ZNF517: variants seen among roughly 807,000 people sequenced by gnomAD.
The protein encoded by ZNF517 is zinc finger protein 517.
In ZNF517, 12 loss-of-function variants were observed where a neutral mutation model predicts 12.1. That is an observed-to-expected ratio of 0.99 (90% CI 0.63 to 1.61). The LOEUF (loss-of-function observed/expected upper bound fraction) is 1.61, where lower values mean the gene tolerates loss of function less well. Ranked by LOEUF, ZNF517 falls within the 40% of genes most tolerant of loss-of-function variation. The pLI is 0.00. For missense variants in ZNF517, 781 were observed against 693.2 expected, an observed-to-expected ratio of 1.13 and a Z score of -1.42; for synonymous variants, 388 against 310.2, an observed-to-expected ratio of 1.25 and a Z score of -2.63.
rs117585807 is a variant in ZNF517, at chr8:144,802,052, A to G, written c.-45-818A>G. Among the ~76,000 whole-genome samples the G allele has an allele frequency of 2.5e-4, 38 of 152,294 alleles. No homozygotes were observed. The East Asian group carries it at 6.4e-3, about 26-fold the overall frequency. ...TGTCTCAAAAAAAGGAAAGAAAAAT[A>G]GGAGAAAAAGAGGAACCACTCATAA... is the stretch of plus-strand genomic sequence containing the variant. On this transcript the variant is annotated intron_variant, in intron 1 of 4. Coordinates refer to ENST00000359971, the MANE Select transcript of ZNF517 (RefSeq NM_213605.3).
At position 144,807,271 on chromosome 8, in the gene ZNF517, T is replaced by G. The variant is rs1284931887; in HGVS notation, c.355T>G (p.Trp119Gly). 3.9e-6 allele frequency: 6 copies of G among 1,555,380 alleles called. No individual in the cohort carries two copies. The highest frequency in any genetic ancestry group is 5.2e-6 in the Non-Finnish European group (6 of 1,152,530). Residue 119 changes from tryptophan (W) to glycine (G), a missense_variant, in exon 5 of 5, where the codon TGG (tryptophan) becomes GGG (glycine). Trp to Gly is a radical substitution (Grantham distance 184). Coordinates refer to ENST00000359971, the MANE Select transcript of ZNF517 (RefSeq NM_213605.3). ...GCAGGCAGGACTGCCGGGCACCGTGTGGGGGTGCCTCCCCTGGGGGCACCC... is the reference window on the plus strand; with the variant it reads ...GCAGGCAGGACTGCCGGGCACCGTGGGGGGGTGCCTCCCCTGGGGGCACCC... ...SRQAGLPGTV[W>G]GCLPWGHPVG...
At chr8:144,805,157 GGGCGTCTTCCCAGGCACT>G (rs1387558818) in intron 4 of ZNF517, among the ~76,000 whole-genome samples, 4 of 152,208 alleles carry the variant, frequency 2.6e-5, no homozygotes. Flanking sequence ...ACTAAGTAAC[GGGCGTCTTCCCAGGCACT>G]GGCGTTACCG....
At position 144,804,174 on chromosome 8, in the gene ZNF517, G is replaced by A; in HGVS notation, c.210G>A (p.Glu70=). Residue 70 remains glutamate, a synonymous_variant, in exon 4 of 5, where the codon GAG becomes GAA. Transcript: ENST00000359971. ...TGATCTCCCTATTGGAGCAAGGAGA[G>A]GAGCCGGGGGCCTTGATTCTGCAGG... ...PALISLLEQG[E]EPGALILQVA... is the part of the protein sequence containing the mutation. 6.2e-7 allele frequency: 1 copy of A among 1,614,172 alleles called. No individual in the cohort carries two copies. Among genetic ancestry groups the A allele is most frequent in the Non-Finnish European group, 8.5e-7 (1 of 1,180,012 alleles).
rs1827416734 is a variant in ZNF517, at chr8:144,808,569, C to T, written c.*174C>T. On this transcript the variant is annotated 3_prime_UTR_variant, in exon 5 of 5. Coordinates refer to ENST00000359971, the MANE Select transcript of ZNF517 (RefSeq NM_213605.3). Reference sequence around the variant, plus strand: ...AGCCGGGCACTGGGGAGGGAAAGGGCACCAGGCAGCCCGTGGTGTGGCCTC... The same window carrying T: ...AGCCGGGCACTGGGGAGGGAAAGGGTACCAGGCAGCCCGTGGTGTGGCCTC... The T allele has an allele frequency of 6.4e-6, 6 of 935,622 alleles. No individual in the cohort carries two copies. The South Asian group carries it at 1.3e-4, about 21-fold the overall frequency. The allele number at this position is 935,622 out of a possible 1,614,324, so 58.0% of individuals were successfully genotyped here.
At position 144,808,259 on chromosome 8, in the gene ZNF517, G is replaced by A. The variant is rs1209522399; in HGVS notation, c.1343G>A (p.Gly448Asp). The A allele has an allele frequency of 1.3e-6, 2 of 1,591,028 alleles. No individual in the cohort carries two copies. Among genetic ancestry groups the A allele is most frequent in the Non-Finnish European group, 8.6e-7 (1 of 1,168,170 alleles). ...TLNEHYRLHS[G>D]ERPYRCRACG... ...AACGAGCACTACCGGCTCCACAGCGGCGAGAGGCCATACCGGTGCCGCGCC... is the reference window on the plus strand; with the variant it reads ...AACGAGCACTACCGGCTCCACAGCGACGAGAGGCCATACCGGTGCCGCGCC... The change falls in exon 5 of 5, where the codon GGC becomes GAC. Residue 448 changes from glycine to aspartate, a missense_variant. Gly to Asp is a moderately conservative substitution (Grantham distance 94). Coordinates refer to ENST00000359971, the MANE Select transcript of ZNF517 (RefSeq NM_213605.3).
At chr8:144,803,017 T>C in intron 2 of ZNF517, 70 bp downstream of exon 2, 1 of 1,599,212 alleles carries the variant, frequency 6.3e-7, no homozygotes, top group South Asian at 1.1e-5. Context: ...TTTTCAGCCC[T>C]GAGAACCTTA....
At position 144,808,334 on chromosome 8, in the gene ZNF517, T is replaced by G. The variant is rs1197988127; in HGVS notation, c.1418T>G (p.Val473Gly). Reference protein sequence around the residue: ...RLSTLIQHQKVHGREPGEDTE... With the variant: ...RLSTLIQHQKGHGREPGEDTE... ...TCCACCCTCATCCAGCACCAGAAGG[T>G]GCACGGCCGCGAGCCCGGGGAGGAC... The change falls in exon 5 of 5, where the codon GTG becomes GGG. Residue 473 changes from valine to glycine, a missense_variant. By Grantham distance (109) the Val-to-Gly change is moderately radical. Coordinates refer to ENST00000359971, the MANE Select transcript of ZNF517 (RefSeq NM_213605.3). 1 of 1,488,994 alleles carries G rather than the reference T, an allele frequency of 6.7e-7. No individual in the cohort carries two copies. Among genetic ancestry groups the G allele is most frequent in the Non-Finnish European group, 9.0e-7 (1 of 1,116,654 alleles). The allele number at this position is 1,488,994 out of a possible 1,614,324, so 92.2% of individuals were successfully genotyped here. A position where few individuals can be genotyped will look rare whatever the true frequency, so the allele number is the denominator to read the frequency against.
At position 144,808,200 on chromosome 8, in the gene ZNF517, G is replaced by C. The variant is rs545969791; in HGVS notation, c.1284G>C (p.Glu428Asp). The change falls in exon 5 of 5, where the codon GAG becomes GAC. Residue 428 changes from glutamate (E) to aspartate (D), a missense_variant. By Grantham distance (45) the Glu-to-Asp change is conservative (BLOSUM62 2). Transcript: ENST00000359971. Reference protein sequence around the residue: ...HTKEKPFACTECGKAFRRSYT... With the variant: ...HTKEKPFACTDCGKAFRRSYT... ...AGGAGAAGCCCTTCGCGTGCACCGA[G>C]TGCGGCAAGGCGTTCCGCAGGAGCT... 1.2e-5 allele frequency: 19 copies of C among 1,609,354 alleles called. No individual in the cohort carries two copies. In the South Asian group the frequency reaches 1.8e-4, roughly 15 times the overall value.
Position 144,809,175 on chromosome 8 carries a change from C to CTCTATCTATCTATCTATCTATCTATCTA in ZNF517, c.*807_*808insATCTATCTATCTATCTATCTATCTATCT, listed in dbSNP as rs112936151. The CTCTATCTATCTATCTATCTATCTATCTA allele has an allele frequency of 1.3e-5, 2 of 150,586 alleles. No individual in the cohort carries two copies. The highest frequency in any genetic ancestry group is 4.9e-5 in the African/African-American group (2 of 40,702). The allele number at this position is 150,586 out of a possible 1,614,324, so 9.3% of individuals were successfully genotyped here. On this transcript the variant is annotated 3_prime_UTR_variant, in exon 5 of 5. Coordinates refer to ENST00000359971, the MANE Select transcript of ZNF517 (RefSeq NM_213605.3). Reference sequence around the variant, plus strand: ...AAAAAAGCCTAGATGGCTGGTGGAGCTCTATCTATCTATCTATCTATCTAT... The same window carrying CTCTATCTATCTATCTATCTATCTATCTA: ...AAAAAAGCCTAGATGGCTGGTGGAGCTCTATCTATCTATCTATCTATCTATCTATCTATCTATCTATCTATCTATCTAT...
At chr8:144,803,046 C>T (rs1234783026) in intron 2 of ZNF517, 99 bp downstream of exon 2, 1 of 1,480,442 alleles carries the variant, frequency 6.8e-7, no homozygotes, top group African/African-American at 1.4e-5. Flanking sequence ...CTCACACCCA[C>T]CCACATCACA....
chr8:144,807,699 CGCATGCGGCGAGTGCGGCAAG>C lies in ZNF517; in HGVS notation c.786_806del (p.Cys263_Ala269del). The stretch of plus-strand genomic sequence containing the variant: ...GCGTCCACACCCGCGAGCGGCCCTA[CGCATGCGGCGAGTGCGGCAAG>C]GCCTTCAGCCGCAGCTCCCGGCTGC... On this transcript the variant is annotated inframe_deletion, in exon 5 of 5. Transcript: ENST00000359971. 1 of 1,611,000 alleles carries C rather than the reference CGCATGCGGCGAGTGCGGCAAG, an allele frequency of 6.2e-7. No individual in the cohort carries two copies. Among genetic ancestry groups the C allele is most frequent in the Non-Finnish European group, 8.5e-7 (1 of 1,179,236 alleles).
Position 144,808,093 on chromosome 8 carries a change from G to A in ZNF517, c.1177G>A (p.Glu393Lys), listed in dbSNP as rs1342224239. Reference protein sequence around the residue: ...LLLHLRLHTGEKPFECAECGK... With the variant: ...LLLHLRLHTGKKPFECAECGK... The stretch of plus-strand genomic sequence containing the variant: ...GCTGCACCTGCGCCTACACACGGGC[G>A]AGAAGCCGTTCGAGTGCGCGGAGTG... Residue 393 changes from glutamate to lysine, a missense_variant, in exon 5 of 5, where the codon GAG becomes AAG. Physicochemically the swap from Glu to Lys is moderately conservative, Grantham distance 56. Transcript: ENST00000359971. The A allele has an allele frequency of 2.5e-6, 4 of 1,611,682 alleles. No homozygotes were observed. The highest frequency in any genetic ancestry group is 3.4e-6 in the Non-Finnish European group (4 of 1,179,390).
chr8:144,803,615 C>T, intron 2 of ZNF517, 26 bp from the exon 3 acceptor site: 2 of 1,612,850 alleles, frequency 1.2e-6, no homozygotes, highest in Non-Finnish European at 8.5e-7. Flanking sequence ...CCTTGACTGC[C>T]TGGATAGCAG....
At chr8:144,799,768 GTC>G (rs1826857119) in intron 1 of ZNF517, among the ~76,000 whole-genome samples, 1 of 152,088 alleles carries the variant, frequency 6.6e-6, no homozygotes, top group African/African-American at 2.4e-5. Context: ...GTGAAACCCT[GTC>G]TCTACTAAAA....
Position 144,807,664 on chromosome 8 carries a change from GC to G in ZNF517, c.751del (p.His251ThrfsTer83). 6.2e-7 allele frequency: 1 copy of G among 1,609,548 alleles called. No homozygotes were observed. The highest frequency in any genetic ancestry group is 8.5e-7 in the Non-Finnish European group (1 of 1,179,334). On this transcript the variant is annotated frameshift_variant, in exon 5 of 5. Coordinates refer to ENST00000359971, the MANE Select transcript of ZNF517 (RefSeq NM_213605.3). LOFTEE classifies it low-confidence loss of function (END_TRUNC). ...CTTCCGGCAGAGCACGCAGCTGGCTGCCCACCACCGCGTCCACACCCGCGAG... is the reference window on the plus strand; with the variant it reads ...CTTCCGGCAGAGCACGCAGCTGGCTGCCACCACCGCGTCCACACCCGCGAG... ...KAFRQSTQLA[A>X]HHRVHTRERP...
At chr8:144,805,933 TATA>T (rs1421405585) in intron 4 of ZNF517, among the ~76,000 whole-genome samples, 6 of 152,240 alleles carry the variant, frequency 3.9e-5, no homozygotes, top group Non-Finnish European at 1.5e-5. Flanking sequence ...CAGAGATTAT[TATA>T]ATATTAGAAT....
chr8:144,803,703 C>T lies in ZNF517; in HGVS notation c.96C>T (p.Ala32=). The change falls in exon 3 of 5, where the codon GCC becomes GCT. Residue 32 remains alanine, a synonymous_variant. Coordinates refer to ENST00000359971, the MANE Select transcript of ZNF517 (RefSeq NM_213605.3). ...CAAGGATAGAGTGGAGTTGCCTGGC[C>T]CCCGACCAGCAGGCACTCTACAGGG... ...YFTRIEWSCL[A]PDQQALYRDV... is the part of the protein sequence containing the mutation. The T allele has an allele frequency of 1.9e-6, 3 of 1,614,166 alleles. No homozygotes were observed. The highest frequency in any genetic ancestry group is 2.5e-6 in the Non-Finnish European group (3 of 1,179,998).
At chr8:144,812,405 A>C (rs1235208527), downstream of ZNF517, among the ~76,000 whole-genome samples, 4 of 137,802 alleles carry the variant, frequency 2.9e-5, no homozygotes, top group Non-Finnish European at 4.7e-5. Flanking sequence ...CAGACTGCAG[A>C]ATGGAAGCAA....
chr8:144,807,759 G>A lies in ZNF517; in HGVS notation c.843G>A (p.Lys281=), dbSNP rs994052905. Residue 281 remains lysine (K), a synonymous_variant, in exon 5 of 5, where the codon AAG becomes AAA. Transcript: ENST00000359971. ...GCTCCCGGCTGCTGCAGCACCAGAA[G>A]TTCCACACCGGGGAGAAGCCCTTCG... ...SRSSRLLQHQ[K]FHTGEKPFAC... 2 of 1,611,990 alleles carry A rather than the reference G, an allele frequency of 1.2e-6. No individual in the cohort carries two copies. Among genetic ancestry groups the A allele is most frequent in the Middle Eastern group, 1.6e-4 (1 of 6,062 alleles).
Sources: gnomAD v4.1 joint callset for allele counts (sites outside exome capture counted in the v4.1 genomes callset) on GRCh38, gnomAD v4.1.1 for gene constraint, MANE v1.5 for transcripts, NCBI Gene and HGNC (gene_info 2026-07-23, HGNC 2026-07-21) for gene names.